The following WDPCP variants were observed in gnomAD, a reference collection of about 807,000 sequenced individuals.
WDPCP encodes WD repeat containing planar cell polarity effector, also known as WD repeat-containing and planar cell polarity effector protein fritz homolog.
WDPCP carries 71 observed loss-of-function variants against 93.1 expected under a neutral mutation model. The ratio of observed to expected loss-of-function variants is 0.76; its 90% CI spans 0.63 to 0.93. The LOEUF is 0.93. Ranked by LOEUF, WDPCP falls within the 40% of genes least tolerant of loss-of-function variation. WDPCP has a pLI of 0.00. For synonymous variants in WDPCP, 315 were observed against 315.0 expected, an observed-to-expected ratio of 1.00 and a Z score of 0.00; for missense variants, 844 against 887.4, an observed-to-expected ratio of 0.95 and a Z score of 0.62.
At chr2:63,430,813 C>T (rs1168605826) in intron 9 of WDPCP, among the ~76,000 whole-genome samples, 5 of 152,230 alleles carry the variant, frequency 3.3e-5, no homozygotes, top group South Asian at 2.1e-4. Flanking sequence ...ACCTGGGAGG[C>T]GGAGATTGCA....
chr2:63,410,522 G>A (rs1694948004), intron 9 of WDPCP, among the ~76,000 whole-genome samples: 1 of 152,140 alleles, frequency 6.6e-6, no homozygotes. Context: ...CACTGTGAAT[G>A]CAAGGGTGCC....
intron 14 of WDPCP, among the ~76,000 whole-genome samples, chr2:63,218,315 G>T (rs373528379): frequency 6.6e-6 from 1 of 151,900 alleles, no homozygotes; most frequent in Non-Finnish European, 1.5e-5. Context: ...ATATGATAGC[G>T]TTATCTTATA....
chr2:63,776,470 C>T (rs998824540), intron 2 of WDPCP, among the ~76,000 whole-genome samples: 12 of 151,768 alleles, frequency 7.9e-5, no homozygotes, highest in Non-Finnish European at 1.8e-4. Context: ...GCCTGGGCAA[C>T]GTGGTAAAAC....
intron 2 of WDPCP, among the ~76,000 whole-genome samples, chr2:63,688,743 T>C (rs2103661035): frequency 6.6e-6 from 1 of 152,210 alleles, no homozygotes; most frequent in African/African-American, 2.4e-5. Flanking sequence ...ACATACCCCA[T>C]AAATATATAT....
At chr2:63,575,303 A>G (rs1465889278) in intron 1 of WDPCP, among the ~76,000 whole-genome samples, 1 of 145,946 alleles carries the variant, frequency 6.9e-6, no homozygotes, top group Admixed American at 7.1e-5. Context: ...GTATGTATAT[A>G]TATAGTATGT....
chr2:63,832,588 T>C (rs1671230310), upstream of WDPCP, among the ~76,000 whole-genome samples: 1 of 152,332 alleles, frequency 6.6e-6, no homozygotes, highest in South Asian at 2.1e-4. Context: ...TAAAAGTACA[T>C]TTATAAGTTG....
chr2:63,238,680 C>T (rs1285597942), intron 14 of WDPCP, among the ~76,000 whole-genome samples: 1 of 152,108 alleles, frequency 6.6e-6, no homozygotes, highest in Non-Finnish European at 1.5e-5. Context: ...ATGGACCTTA[C>T]TCCCTTTTTT....
chr2:63,418,014 T>G (rs1315067970), intron 9 of WDPCP, among the ~76,000 whole-genome samples: 1 of 152,036 alleles, frequency 6.6e-6, no homozygotes, highest in African/African-American at 2.4e-5. Flanking sequence ...TTAAAGTTAT[T>G]AGAGTATACT....
intron 14 of WDPCP, among the ~76,000 whole-genome samples, chr2:63,230,129 C>G (rs1192167290): frequency 6.8e-6 from 1 of 147,670 alleles, no homozygotes; most frequent in Non-Finnish European, 1.5e-5. Flanking sequence ...TGTTCCCCAC[C>G]CTGTGTCCAA....
intron 12 of WDPCP, among the ~76,000 whole-genome samples, chr2:63,356,088 C>T (rs1259726560): frequency 6.6e-6 from 1 of 152,004 alleles, no homozygotes; most frequent in African/African-American, 2.4e-5. Flanking sequence ...GGAAAATCTA[C>T]CAAACAAATA....
chr2:63,550,898 T>C (rs1292969386), intron 1 of WDPCP, among the ~76,000 whole-genome samples: 2 of 152,052 alleles, frequency 1.3e-5, no homozygotes, highest in African/African-American at 2.4e-5. Flanking sequence ...AGGACTAAAA[T>C]TGAACTTCTC....
chr2:63,694,773 A>G (rs1242568101), intron 2 of WDPCP, among the ~76,000 whole-genome samples: 1 of 152,198 alleles, frequency 6.6e-6, no homozygotes, highest in Admixed American at 6.5e-5. Flanking sequence ...GCAGGTATGT[A>G]TAAGTTAACA....
At chr2:63,184,678 A>G (rs1674492316) in intron 14 of WDPCP, among the ~76,000 whole-genome samples, 1 of 152,126 alleles carries the variant, frequency 6.6e-6, no homozygotes, top group Non-Finnish European at 1.5e-5. Context: ...AGACAATTTA[A>G]TGACTATACG....
intron 12 of WDPCP, among the ~76,000 whole-genome samples, chr2:63,357,444 G>A (rs759523377): frequency 6.6e-6 from 1 of 152,076 alleles, no homozygotes; most frequent in African/African-American, 2.4e-5. Context: ...ATTAAAAAGT[G>A]GGCAAAGGAC....
chr2:63,251,246 G>A (rs1275016220), intron 14 of WDPCP, among the ~76,000 whole-genome samples: 2 of 152,026 alleles, frequency 1.3e-5, no homozygotes, highest in African/African-American at 2.4e-5. Flanking sequence ...AGGAAAAAAG[G>A]ATGATCTAAA....
At chr2:63,840,037 C>T in the WDPCP span, among the ~76,000 whole-genome samples, 1 of 152,344 alleles carries the variant, frequency 6.6e-6, no homozygotes, top group East Asian at 1.9e-4. Flanking sequence ...AAAATTCTCA[C>T]TTTACCTTGG....
upstream of WDPCP, among the ~76,000 whole-genome samples, chr2:63,830,060 C>T (rs57135216): frequency 0.098 from 14,853 of 152,008 alleles, 1,174 homozygotes; most frequent in African/African-American, 0.22. Flanking sequence ...TTTGCCTTTA[C>T]TAAAGATTCT....
intron 2 of WDPCP, among the ~76,000 whole-genome samples, chr2:63,653,289 T>G (rs1366920781): frequency 6.6e-6 from 1 of 152,164 alleles, no homozygotes; most frequent in Non-Finnish European, 1.5e-5. Context: ...AGAGTAATTA[T>G]TGGGACACTG....
chr2:63,194,766 T>C (rs529974055), intron 14 of WDPCP, among the ~76,000 whole-genome samples: 2 of 152,274 alleles, frequency 1.3e-5, no homozygotes, highest in Non-Finnish European at 2.9e-5. Context: ...TATCAAAGCA[T>C]ATCACAGGAA....
Sources: gnomAD v4.1 joint callset for allele counts (sites outside exome capture counted in the v4.1 genomes callset) on GRCh38, gnomAD v4.1.1 for gene constraint, MANE v1.5 for transcripts, NCBI Gene and HGNC (gene_info 2026-07-23, HGNC 2026-07-21) for gene names.